The following KIDINS220 variants were observed in gnomAD, a reference collection of about 807,000 sequenced individuals.
KIDINS220 encodes kinase D interacting substrate 220.
In KIDINS220, 63 loss-of-function variants were observed where a neutral mutation model predicts 157.6. The observed-to-expected ratio is 0.40, with a 90% CI of 0.33 to 0.49. The LOEUF is 0.49. KIDINS220 is among the 20% of genes least tolerant of loss of function. KIDINS220 has a pLI of 0.66. For synonymous variants in KIDINS220, 732 were observed against 783.6 expected (o/e 0.93, Z 1.10); for missense variants, 1,772 against 2,171.2 (o/e 0.82, Z 3.65).
At chr2:8,756,326 T>G (rs1447522306) in intron 22 of KIDINS220, among the ~76,000 whole-genome samples, 1 of 152,238 alleles carries the variant, frequency 6.6e-6, no homozygotes, top group Non-Finnish European at 1.5e-5. Context: ...TTGATCTGTA[T>G]CCTGCAAACT....
At chr2:8,804,309 T>C (rs990797373) in intron 7 of KIDINS220, among the ~76,000 whole-genome samples, 4 of 152,240 alleles carry the variant, frequency 2.6e-5, no homozygotes, top group Non-Finnish European at 5.9e-5. Context: ...CTTCTCAGAA[T>C]CCTTTATGAT....
intron 7 of KIDINS220, among the ~76,000 whole-genome samples, chr2:8,803,783 G>C (rs1038137641): frequency 6.6e-6 from 1 of 152,130 alleles, no homozygotes; most frequent in Non-Finnish European, 1.5e-5. Context: ...GCCAAGGCAG[G>C]AGGATCATTT....
Position 8,729,473 on chromosome 2 carries a change from T to C in KIDINS220, c.*1247A>G, listed in dbSNP as rs1663732317. The C allele has an allele frequency of 1.0e-6, 1 of 985,314 alleles. No individual in the cohort carries two copies. The allele number at this position is 985,314 out of a possible 1,614,324, so 61.0% of individuals were successfully genotyped here. A position where few individuals can be genotyped will look rare whatever the true frequency, so the allele number is the denominator to read the frequency against. ...TGTTAAAACGATAACAATATTTCATTGCATGATGACAGGGTACATTTCTAG... is the reference window on the plus strand; with the variant it reads ...TGTTAAAACGATAACAATATTTCATCGCATGATGACAGGGTACATTTCTAG... On this transcript the variant is annotated 3_prime_UTR_variant, in exon 30 of 30. Transcript: ENST00000256707.
chr2:8,751,487 T>C lies in KIDINS220; in HGVS notation c.3169A>G (p.Lys1057Glu). 6.2e-7 allele frequency: 1 copy of C among 1,607,108 alleles called. No individual in the cohort carries two copies. The highest frequency in any genetic ancestry group is 8.5e-7 in the Non-Finnish European group (1 of 1,178,404). The part of the protein sequence containing the change: ...FLPCTVNLDP[K>E]LREIIADVRA... The stretch of plus-strand genomic sequence containing the variant: ...CCACCTGCAATAATTTCCCGTAGTT[T>C]GGGATCTAGGTTTACAGTGCATGGC... Residue 1057 changes from lysine to glutamate, a missense_variant, in exon 23 of 30, where the codon AAA (lysine) becomes GAA (glutamate). Lys to Glu is a moderately conservative substitution (Grantham distance 56). This residue lies in a region of KIDINS220 where 725 missense variants were observed against 1,017.1 expected (regional missense o/e 0.71). Coordinates refer to ENST00000256707, the MANE Select transcript of KIDINS220 (RefSeq NM_020738.4).
chr2:8,761,841 T>C (rs1052087610), intron 22 of KIDINS220, among the ~76,000 whole-genome samples: 6 of 152,228 alleles, frequency 3.9e-5, no homozygotes, highest in Non-Finnish European at 8.8e-5. Context: ...TCTTAGCATT[T>C]GAATTAGCTA....
At chr2:8,821,335 T>C (rs1387995854) in intron 2 of KIDINS220, among the ~76,000 whole-genome samples, 1 of 151,460 alleles carries the variant, frequency 6.6e-6, no homozygotes, top group Non-Finnish European at 1.5e-5. Flanking sequence ...CGGGTGGCAA[T>C]GAGCTCAGCT....
At chr2:8,802,434 G>A (rs889185143) in intron 8 of KIDINS220, among the ~76,000 whole-genome samples, 1 of 152,200 alleles carries the variant, frequency 6.6e-6, no homozygotes, top group Admixed American at 6.5e-5. Context: ...CTGGAGGGCA[G>A]ATGAGGAAAA....
At chr2:8,836,432 C>T (rs558648233) in intron 1 of KIDINS220, among the ~76,000 whole-genome samples, 193 of 152,146 alleles carry the variant, frequency 1.3e-3, no homozygotes, top group Non-Finnish European at 2.0e-3. Flanking sequence ...CAAGGATTCT[C>T]AAACTTGTGT....
intron 6 of KIDINS220, 42 bp downstream of exon 6, chr2:8,812,353 A>C (rs767389667): frequency 9.6e-7 from 1 of 1,039,986 alleles, no homozygotes; most frequent in South Asian, 1.5e-5. Context: ...CACTGAGTGG[A>C]CATAACATGG....
At chr2:8,803,618 G>A (rs376059812) in intron 7 of KIDINS220, among the ~76,000 whole-genome samples, 1 of 152,162 alleles carries the variant, frequency 6.6e-6, no homozygotes, top group African/African-American at 2.4e-5. Context: ...CAAGAAAAGT[G>A]TAATATACTG....
rs1284351215 is a variant in KIDINS220, at chr2:8,791,172, A to G, written c.1329T>C (p.Tyr443=). Reference sequence around the variant, plus strand: ...TGAGAATATCTGCCAGGGCACTGCTATATAAATCATATCCAAGCATGTCAC... The same window carrying G: ...TGAGAATATCTGCCAGGGCACTGCTGTATAAATCATATCCAAGCATGTCAC... The part of the protein sequence containing the change: ...TDGDMLGYDL[Y]SSALADILSE... The change falls in exon 13 of 30, where the codon TAT becomes TAC. Residue 443 remains tyrosine (Y), a synonymous_variant. Coordinates refer to ENST00000256707, the MANE Select transcript of KIDINS220 (RefSeq NM_020738.4). 1 of 1,613,968 alleles carries G rather than the reference A, an allele frequency of 6.2e-7. No homozygotes were observed. The highest frequency in any genetic ancestry group is 1.3e-5 in the African/African-American group (1 of 74,934).
At chr2:8,787,607 T>C (rs758032654) in intron 15 of KIDINS220, among the ~76,000 whole-genome samples, 4 of 152,238 alleles carry the variant, frequency 2.6e-5, no homozygotes, top group Middle Eastern at 3.4e-3. Flanking sequence ...GCTCAAGCAA[T>C]TGACCACTTT....
rs1457441049 is a variant in KIDINS220, at chr2:8,792,924, C to T, written c.1276+886G>A. Among the ~76,000 whole-genome samples, 6 of 152,092 alleles carry T rather than the reference C, an allele frequency of 3.9e-5. No homozygotes were observed. In the East Asian group the frequency reaches 5.8e-4, roughly 15 times the overall value. ...AAACAAACTAAATATTCACCAATAG[C>T]GAACTCAATGTACGAAAAATTATGC... On this transcript the variant is annotated intron_variant, in intron 12 of 29. Coordinates refer to ENST00000256707, the MANE Select transcript of KIDINS220 (RefSeq NM_020738.4).
chr2:8,809,394 C>T (rs1024281721), intron 6 of KIDINS220, among the ~76,000 whole-genome samples: 25 of 152,026 alleles, frequency 1.6e-4, no homozygotes, highest in African/African-American at 5.8e-4. Flanking sequence ...TATTGACTGT[C>T]CCTTCCAAAT....
chr2:8,743,701 AG>A (rs942786232), intron 26 of KIDINS220, among the ~76,000 whole-genome samples: 18 of 152,192 alleles, frequency 1.2e-4, no homozygotes, highest in Admixed American at 7.9e-4. Flanking sequence ...CCCTCAGGTA[AG>A]TCTCACACAT....
At chr2:8,820,596 G>A (rs1479767137) in intron 2 of KIDINS220, among the ~76,000 whole-genome samples, 1 of 152,070 alleles carries the variant, frequency 6.6e-6, no homozygotes, top group Non-Finnish European at 1.5e-5. Context: ...ATGTAAGGAT[G>A]GATGCTAAAT....
chr2:8,758,448 G>A lies in KIDINS220; in HGVS notation c.3012-6804C>T, dbSNP rs551056700. Among the ~76,000 whole-genome samples, 6 of 152,296 alleles carry A rather than the reference G, an allele frequency of 3.9e-5. No homozygotes were observed. In the East Asian group the frequency reaches 1.2e-3, roughly 29 times the overall value. On this transcript the variant is annotated intron_variant, in intron 22 of 29. Transcript: ENST00000256707. ...TCTGCTCACCTTGGCCTTTGGATCT[G>A]CCTCTGAGCCTGGACTTCCACACTG...
At chr2:8,721,162 A>G (rs1662938300), downstream of KIDINS220, 1 of 152,188 alleles carries the variant, frequency 6.6e-6, no homozygotes, top group Admixed American at 6.5e-5. Context: ...TATTACTTAT[A>G]TATTAACATT....
intron 1 of KIDINS220, among the ~76,000 whole-genome samples, chr2:8,835,743 C>T (rs1680302814): frequency 6.6e-6 from 1 of 151,288 alleles, no homozygotes. Context: ...TTCTGACTCT[C>T]ATTCAATCCT....
Sources: gnomAD v4.1 joint callset for allele counts (sites outside exome capture counted in the v4.1 genomes callset) on GRCh38, gnomAD v4.1.1 for gene constraint, gnomAD v4.1.1 regional missense constraint, MANE v1.5 for transcripts, NCBI Gene and HGNC (gene_info 2026-07-23, HGNC 2026-07-21) for gene names.